Variants in BCAP29 observed in about 807,000 individuals in gnomAD.
BCAP29 encodes B cell receptor associated protein 29.
A neutral mutation model predicts 31.8 loss-of-function variants in BCAP29; 34 were observed. The ratio of observed to expected loss-of-function variants is 1.07; its 90% CI spans 0.81 to 1.42. BCAP29 has a LOEUF of 1.42. Among genes scored for constraint, BCAP29 ranks in the 40% most tolerant of loss-of-function variants. The pLI, the probability that BCAP29 is intolerant of heterozygous loss-of-function variation, is 0.00. For synonymous variants in BCAP29, 104 were observed against 91.3 expected, an observed-to-expected ratio of 1.14 and a Z score of -0.79; for missense variants, 314 against 269.2, an observed-to-expected ratio of 1.17 and a Z score of -1.16.
chr7:107,589,005 C>T (rs988412319), intron 3 of BCAP29, among the ~76,000 whole-genome samples: 5 of 152,128 alleles, frequency 3.3e-5, no homozygotes, highest in African/African-American at 1.2e-4. Context: ...GACCTTGAAC[C>T]TTTCCACTAA....
intron 7 of BCAP29, among the ~76,000 whole-genome samples, chr7:107,614,486 T>G (rs970732762): frequency 2.0e-5 from 3 of 152,182 alleles, no homozygotes; most frequent in African/African-American, 7.2e-5. Context: ...ATGTGTAGGT[T>G]TTTTAGCACT....
rs796192131 is a variant in BCAP29 at position 107,620,086 on chromosome 7, A to C, written c.*1723A>C. On this transcript the variant is annotated 3_prime_UTR_variant, in exon 8 of 8. Transcript: ENST00000005259. ...TTTGAAGAGCTTGAAGATTTGAAAG[A>C]TTCCCAAAAAAGCATTTTAAAGTTT... 6 of 152,370 alleles carry C rather than the reference A, an allele frequency of 3.9e-5. No homozygotes were observed. The highest frequency in any genetic ancestry group is 1.4e-4 in the African/African-American group (6 of 41,596). 9.4% of individuals were successfully genotyped at this position (152,370 alleles called of 1,614,324 possible).
chr7:107,592,686 C>T (rs77001926), intron 3 of BCAP29, among the ~76,000 whole-genome samples: 1 of 152,318 alleles, frequency 6.6e-6, no homozygotes, highest in African/African-American at 2.4e-5. Context: ...AGCTCAATGC[C>T]ATCAACCAAT....
intron 5 of BCAP29, among the ~76,000 whole-genome samples, chr7:107,596,781 T>G (rs899036743): frequency 6.6e-6 from 1 of 152,230 alleles, no homozygotes; most frequent in Non-Finnish European, 1.5e-5. Flanking sequence ...CTTAATACAC[T>G]TAAATTAGTC....
downstream of BCAP29, chr7:107,622,000 T>C: frequency 2.1e-6 from 1 of 472,118 alleles, no homozygotes; most frequent in Non-Finnish European, 4.4e-6. Flanking sequence ...CCACTCCGTC[T>C]TCCCCATTAG....
At chr7:107,592,758 A>G (rs1375096634) in intron 3 of BCAP29, among the ~76,000 whole-genome samples, 1 of 152,250 alleles carries the variant, frequency 6.6e-6, no homozygotes, top group East Asian at 1.9e-4. Flanking sequence ...CATAAAAGTA[A>G]TGAAGTACTG....
chr7:107,589,240 G>A (rs901740825), intron 3 of BCAP29, among the ~76,000 whole-genome samples: 5 of 152,058 alleles, frequency 3.3e-5, no homozygotes, highest in African/African-American at 1.2e-4. Context: ...GGATGGTTTC[G>A]GGATGATTCA....
intron 3 of BCAP29, among the ~76,000 whole-genome samples, chr7:107,584,258 G>A (rs957417293): frequency 6.6e-6 from 1 of 152,188 alleles, no homozygotes; most frequent in Non-Finnish European, 1.5e-5. Context: ...GCTGTTCAGA[G>A]TTACCAGACT....
intron 7 of BCAP29, chr7:107,615,216 A>T (rs999348342): frequency 6.6e-6 from 3 of 456,576 alleles, no homozygotes; most frequent in African/African-American, 6.0e-5. Context: ...TATAACAGTG[A>T]GATTTCCTCA....
chr7:107,612,412 TATATATATATATATATATATA>T (rs1563141298), intron 6 of BCAP29, among the ~76,000 whole-genome samples: 13 of 118,208 alleles, frequency 1.1e-4, no homozygotes, highest in Admixed American at 4.2e-4. Flanking sequence ...TATATATATA[TATATATATATATATATATATA>T]TATATATTTA....
intron 3 of BCAP29, among the ~76,000 whole-genome samples, chr7:107,586,054 G>A (rs1489081119): frequency 1.3e-5 from 2 of 152,112 alleles, no homozygotes; most frequent in East Asian, 1.9e-4. Context: ...AATAAAATAC[G>A]GGGCTGTTGC....
intron 3 of BCAP29, among the ~76,000 whole-genome samples, chr7:107,591,581 GCTCT>G (rs1257674264): frequency 1.5e-5 from 2 of 129,940 alleles, no homozygotes; most frequent in Middle Eastern, 4.0e-3. Flanking sequence ...TAAATCTCGA[GCTCT>G]CTCTCTCTCT....
intron 2 of BCAP29, among the ~76,000 whole-genome samples, chr7:107,581,776 C>T (rs1234134307): frequency 2.0e-5 from 3 of 152,164 alleles, no homozygotes; most frequent in Non-Finnish European, 1.5e-5. Flanking sequence ...TGCTCCTTAC[C>T]TGCCTGGATT....
intron 5 of BCAP29, among the ~76,000 whole-genome samples, chr7:107,597,212 T>G (rs1810015431): frequency 6.6e-6 from 1 of 152,218 alleles, no homozygotes; most frequent in Non-Finnish European, 1.5e-5. Flanking sequence ...AAAGATAAGC[T>G]TGTGAAAACA....
At position 107,618,658 on chromosome 7, in the gene BCAP29, A is replaced by G. The variant is rs1343997493; in HGVS notation, c.*295A>G. On this transcript the variant is annotated 3_prime_UTR_variant, in exon 8 of 8. Coordinates refer to ENST00000005259, the MANE Select transcript of BCAP29 (RefSeq NM_018844.4). Reference sequence around the variant, plus strand: ...TACCAATAAAAGGAAAAAATTCATTAACCGGTTGCTTCCAAAATTAGAAGT... The same window carrying G: ...TACCAATAAAAGGAAAAAATTCATTGACCGGTTGCTTCCAAAATTAGAAGT... 2 of 1,366,292 alleles carry G rather than the reference A, an allele frequency of 1.5e-6. No homozygotes were observed. The highest frequency in any genetic ancestry group is 2.0e-6 in the Non-Finnish European group (2 of 1,011,774). The allele number at this position is 1,366,292 out of a possible 1,614,324, so 84.6% of individuals were successfully genotyped here.
chr7:107,617,045 C>G (rs28600945), intron 7 of BCAP29, among the ~76,000 whole-genome samples: 1 of 152,108 alleles, frequency 6.6e-6, no homozygotes, highest in Non-Finnish European at 1.5e-5. Context: ...AGCCAAGAAC[C>G]CTTTTCTTTA....
At chr7:107,612,440 T>TATA (rs71134274) in intron 6 of BCAP29, among the ~76,000 whole-genome samples, 1 of 127,948 alleles carries the variant, frequency 7.8e-6, no homozygotes, top group Admixed American at 8.1e-5. Flanking sequence ...TATATATATA[T>TATA]TTATTTTACT....
intron 4 of BCAP29, among the ~76,000 whole-genome samples, chr7:107,594,540 C>T (rs1351286374): frequency 1.3e-5 from 2 of 151,776 alleles, no homozygotes; most frequent in East Asian, 1.9e-4. Flanking sequence ...CTCGCTTTGT[C>T]GCCCAGACTG....
intron 7 of BCAP29, 55 bp from the exon 8 acceptor site, chr7:107,618,273 C>T (rs999995865): frequency 1.6e-6 from 2 of 1,275,014 alleles, no homozygotes; most frequent in African/African-American, 3.0e-5. Context: ...CTTGTCATGT[C>T]TATGAATCTG....
Sources: gnomAD v4.1 joint callset for allele counts (sites outside exome capture counted in the v4.1 genomes callset) on GRCh38, gnomAD v4.1.1 for gene constraint, MANE v1.5 for transcripts, NCBI Gene and HGNC (gene_info 2026-07-23, HGNC 2026-07-21) for gene names.